Variants in GLDC observed in about 807,000 individuals in gnomAD.
The protein encoded by GLDC is glycine dehydrogenase (decarboxylating), mitochondrial.
A neutral mutation model predicts 121.3 loss-of-function variants in GLDC; 104 were observed. That is an observed-to-expected ratio of 0.86 (90% CI 0.73 to 1.01). The LOEUF (loss-of-function observed/expected upper bound fraction) is 1.01. Ranked by LOEUF, GLDC falls within the 50% of genes least tolerant of loss-of-function variation. GLDC has a pLI of 0.00. For missense variants in GLDC, 1,429 were observed against 1,306.6 expected (o/e 1.09, Z -1.44); for synonymous variants, 546 against 480.6 (o/e 1.14, Z -1.78).
At chr9:6,553,333 C>CCACCTGCA (rs1184597030) in intron 20 of GLDC, 35 bp downstream of exon 20, 5 of 1,608,118 alleles carry the variant, frequency 3.1e-6, no homozygotes, top group Non-Finnish European at 4.3e-6. Context: ...ACGCCCCCAC[C>CCACCTGCA]CACCTGCACA....
At chr9:6,574,012 TCAACA>T (rs1818014773) in intron 15 of GLDC, among the ~76,000 whole-genome samples, 1 of 152,208 alleles carries the variant, frequency 6.6e-6, no homozygotes, top group Admixed American at 6.5e-5. Context: ...TCAAAACCCC[TCAACA>T]CAACACTCTG....
At chr9:6,570,937 A>G (rs984513257) in intron 15 of GLDC, among the ~76,000 whole-genome samples, 2 of 152,112 alleles carry the variant, frequency 1.3e-5, no homozygotes, top group African/African-American at 4.8e-5. Flanking sequence ...CTTTTCATGA[A>G]AAATATTTAT....
chr9:6,551,038 G>C (rs1817505739), intron 20 of GLDC, 124 bp from the exon 21 acceptor site: 2 of 752,242 alleles, frequency 2.7e-6, no homozygotes, highest in South Asian at 1.4e-5. Flanking sequence ...CATGACTCTG[G>C]AGTAAAGATG....
chr9:6,556,532 C>T (rs575502685), intron 17 of GLDC, among the ~76,000 whole-genome samples: 1 of 152,326 alleles, frequency 6.6e-6, no homozygotes, highest in African/African-American at 2.4e-5. Context: ...GTGGCTCATG[C>T]CCGTAATCCC....
chr9:6,549,271 G>A (rs532265649), intron 21 of GLDC, among the ~76,000 whole-genome samples: 23 of 151,532 alleles, frequency 1.5e-4, no homozygotes, highest in African/African-American at 5.1e-4. Flanking sequence ...CAAAGCAGGC[G>A]CAGCCTCCAC....
chr9:6,612,160 C>T (rs1818869787), intron 3 of GLDC, among the ~76,000 whole-genome samples: 1 of 151,466 alleles, frequency 6.6e-6, no homozygotes, highest in Non-Finnish European at 1.5e-5. Flanking sequence ...AGCAAAAATC[C>T]ATTCTGTTGT....
chr9:6,622,020 G>GTAAAGCAAAACC (rs1819106490), intron 2 of GLDC, among the ~76,000 whole-genome samples: 1 of 152,076 alleles, frequency 6.6e-6, no homozygotes, highest in South Asian at 2.1e-4. Flanking sequence ...AAAAACGTAG[G>GTAAAGCAAAACC]TAAAGCAAAA....
intron 15 of GLDC, among the ~76,000 whole-genome samples, chr9:6,574,283 C>A (rs562655462): frequency 2.0e-5 from 3 of 152,110 alleles, no homozygotes; most frequent in African/African-American, 7.2e-5. Flanking sequence ...GCCTGGCCAA[C>A]ACAGTGAAAC....
chr9:6,534,854 C>A (rs1817088102), intron 23 of GLDC, 66 bp from the exon 24 acceptor site: 1 of 833,714 alleles, frequency 1.2e-6, no homozygotes, highest in South Asian at 1.4e-5. Context: ...CTACCCTGCA[C>A]CTCAACCGTC....
chr9:6,620,147 C>A, intron 3 of GLDC, 37 bp downstream of exon 3: 2 of 1,602,698 alleles, frequency 1.2e-6, no homozygotes, highest in Non-Finnish European at 1.7e-6. Flanking sequence ...TTATGCAAAT[C>A]ACAGTCATCC....
intron 2 of GLDC, among the ~76,000 whole-genome samples, chr9:6,640,291 T>C (rs572080327): frequency 6.6e-6 from 1 of 152,370 alleles, no homozygotes; most frequent in African/African-American, 2.4e-5. Flanking sequence ...GGGAATTGAA[T>C]GAGTCGGGAA....
intron 21 of GLDC, among the ~76,000 whole-genome samples, chr9:6,543,242 T>A (rs542766098): frequency 6.6e-6 from 1 of 152,228 alleles, no homozygotes; most frequent in East Asian, 1.9e-4. Context: ...GTGACTGTAC[T>A]CCAGCCTGGG....
rs775292734 is a variant in GLDC, at chr9:6,565,305, GGACCTCTGT to G, written c.1926+40_1926+48del. Reference sequence around the variant, plus strand: ...CCCACAGAAGGGACCCTGAGAGCCAGGACCTCTGTGCCCCATGGTGAGCAAGCGCCACCT... The same window carrying G: ...CCCACAGAAGGGACCCTGAGAGCCAGGCCCCATGGTGAGCAAGCGCCACCT... On this transcript the variant is annotated intron_variant, in intron 16 of 24. Coordinates refer to ENST00000321612, the MANE Select transcript of GLDC (RefSeq NM_000170.3). 5.4e-6 allele frequency: 7 copies of G among 1,305,320 alleles called. No homozygotes were observed. The South Asian group carries it at 8.2e-5, about 15-fold the overall frequency. The allele number at this position is 1,305,320 out of a possible 1,614,324, so 80.9% of individuals were successfully genotyped here.
intron 15 of GLDC, chr9:6,565,694 C>A: frequency 1.7e-6 from 1 of 594,124 alleles, no homozygotes; most frequent in Non-Finnish European, 3.0e-6. Context: ...TTGCTCAGGA[C>A]CACGCATTGA....
chr9:6,612,253 T>TCACACACA (rs111819532), intron 3 of GLDC, among the ~76,000 whole-genome samples: 1,917 of 150,088 alleles, frequency 0.013, 49 homozygotes, highest in African/African-American at 0.045. Flanking sequence ...TCTCTCTCTC[T>TCACACACA]CACACACACT....
intron 11 of GLDC, among the ~76,000 whole-genome samples, chr9:6,591,378 G>A (rs1265458034): frequency 6.6e-6 from 1 of 152,146 alleles, no homozygotes; most frequent in Non-Finnish European, 1.5e-5. Flanking sequence ...CTAATCTTAA[G>A]CTTGTTTATC....
chr9:6,620,069 G>T, intron 3 of GLDC, 115 bp downstream of exon 3: 2 of 978,940 alleles, frequency 2.0e-6, no homozygotes, highest in Non-Finnish European at 3.3e-6. Context: ...ATTGGAGACA[G>T]CACTAGGAGG....
chr9:6,550,940 T>TA, intron 20 of GLDC, 26 bp from the exon 21 acceptor site: 1 of 1,444,474 alleles, frequency 6.9e-7, no homozygotes, highest in South Asian at 1.1e-5. Flanking sequence ...AAAGAGCCAT[T>TA]AGCCATTGAA....
chr9:6,586,657 C>T (rs1400611489), intron 15 of GLDC, among the ~76,000 whole-genome samples: 1 of 152,172 alleles, frequency 6.6e-6, no homozygotes, highest in Non-Finnish European at 1.5e-5. Flanking sequence ...CAAAGACAGT[C>T]CGCAATGAAC....
Sources: gnomAD v4.1 joint callset for allele counts (sites outside exome capture counted in the v4.1 genomes callset) on GRCh38, gnomAD v4.1.1 for gene constraint, MANE v1.5 for transcripts, NCBI Gene and HGNC (gene_info 2026-07-23, HGNC 2026-07-21) for gene names.